Variants in SORCS1 observed in about 807,000 individuals in gnomAD.
The protein encoded by SORCS1 is sortilin related VPS10 domain containing receptor 1.
SORCS1 carries 60 observed loss-of-function variants against 146.1 expected under a neutral mutation model. The observed-to-expected ratio is 0.41, with a 90% confidence interval of 0.33 to 0.51. The LOEUF (loss-of-function observed/expected upper bound fraction) is 0.51. Ranked by LOEUF, SORCS1 falls within the 20% of genes least tolerant of loss-of-function variation. The pLI, the probability that SORCS1 is intolerant of heterozygous loss-of-function variation, is 0.21. For missense variants in SORCS1, 1,352 were observed against 1,487.6 expected (o/e 0.91, Z 1.50); for synonymous variants, 637 against 584.0 (o/e 1.09, Z -1.31).
intron 5 of SORCS1, among the ~76,000 whole-genome samples, chr10:106,736,440 A>T (rs1856948790): frequency 6.6e-6 from 1 of 152,136 alleles, no homozygotes; most frequent in Non-Finnish European, 1.5e-5. Context: ...GCCCCTCTTC[A>T]TAAACAAAGT....
Position 106,632,580 on chromosome 10 carries a change from T to C in SORCS1, c.2476-3192A>G, listed in dbSNP as rs377595548. Among the ~76,000 whole-genome samples the C allele has an allele frequency of 7.9e-5, 12 of 152,250 alleles. No individual in the cohort carries two copies. In the East Asian group the frequency reaches 2.3e-3, roughly 29 times the overall value. On this transcript the variant is annotated intron_variant, in intron 18 of 25. Transcript: ENST00000263054. ...GGTCATTCACTCATTCACCCAACAG[T>C]CAGATATTTATTGACTGTCTATCTC...
chr10:107,103,376 T>C (rs1299134274), intron 1 of SORCS1, among the ~76,000 whole-genome samples: 1 of 152,236 alleles, frequency 6.6e-6, no homozygotes, highest in Non-Finnish European at 1.5e-5. Flanking sequence ...TTTATTAATA[T>C]ATGCTCTCTA....
chr10:106,803,933 CA>C (rs1357258794), intron 3 of SORCS1, among the ~76,000 whole-genome samples: 1 of 152,090 alleles, frequency 6.6e-6, no homozygotes, highest in Non-Finnish European at 1.5e-5. Context: ...CTCATGTGAA[CA>C]AAAGTGACAC....
chr10:106,709,971 G>A (rs72821190), intron 6 of SORCS1, among the ~76,000 whole-genome samples: 2,036 of 152,034 alleles, frequency 0.013, 18 homozygotes, highest in Middle Eastern at 0.044. Context: ...TTCAAAAACT[G>A]GCAATAATAC....
chr10:106,758,748 G>GA (rs1360469112), intron 5 of SORCS1, among the ~76,000 whole-genome samples: 4 of 152,094 alleles, frequency 2.6e-5, no homozygotes, highest in Non-Finnish European at 4.4e-5. Context: ...AAGAGAGGGA[G>GA]AAAAAAACGC....
Position 106,688,189 on chromosome 10 carries a change from C to T in SORCS1, c.1560+3G>A. 1 of 1,611,814 alleles carries T rather than the reference C, an allele frequency of 6.2e-7. No individual in the cohort carries two copies. Among genetic ancestry groups the T allele is most frequent in the East Asian group, 2.2e-5 (1 of 44,842 alleles). On this transcript the variant is annotated splice_donor_region_variant and intron_variant, in intron 10 of 25. Coordinates refer to ENST00000263054, the MANE Select transcript of SORCS1 (RefSeq NM_052918.5). ...GGCATTCTGCTTCAATAGGAAGACT[C>T]ACCAGCAAGCAGTGCACGGGGTCCC...
chr10:106,987,078 C>T (rs550641914), intron 1 of SORCS1, among the ~76,000 whole-genome samples: 1 of 152,154 alleles, frequency 6.6e-6, no homozygotes, highest in Non-Finnish European at 1.5e-5. Context: ...TGGATCTTTT[C>T]TTCTTCTGAA....
At chr10:107,020,792 A>G (rs1248684215) in intron 1 of SORCS1, among the ~76,000 whole-genome samples, 2 of 152,196 alleles carry the variant, frequency 1.3e-5, no homozygotes. Context: ...ATTTTAAGGA[A>G]TTTTGGACAA....
chr10:106,655,963 G>A (rs922241769), intron 17 of SORCS1, among the ~76,000 whole-genome samples: 7 of 152,140 alleles, frequency 4.6e-5, no homozygotes, highest in East Asian at 3.8e-4. Flanking sequence ...TTGGACCTGC[G>A]CTCTGAATAT....
chr10:107,054,895 G>T (rs535177008), intron 1 of SORCS1, among the ~76,000 whole-genome samples: 1 of 152,318 alleles, frequency 6.6e-6, no homozygotes, highest in African/African-American at 2.4e-5. Context: ...TAAAGATAAA[G>T]TGGTATCACA....
At chr10:107,118,938 A>G (rs185823715) in intron 1 of SORCS1, among the ~76,000 whole-genome samples, 1 of 152,320 alleles carries the variant, frequency 6.6e-6, no homozygotes, top group Non-Finnish European at 1.5e-5. Flanking sequence ...CAGCAATGCC[A>G]CAGTTGGTGG....
chr10:106,795,243 G>C (rs1946499563), intron 3 of SORCS1, among the ~76,000 whole-genome samples: 1 of 152,184 alleles, frequency 6.6e-6, no homozygotes, highest in East Asian at 1.9e-4. Context: ...AAGAGTCGAA[G>C]ATAATTTGTC....
rs376338511 is a variant in SORCS1, at chr10:106,934,277, A to C, written c.626+22236T>G. Among the ~76,000 whole-genome samples the C allele has an allele frequency of 8.6e-5, 13 of 151,656 alleles. No homozygotes were observed. In the South Asian group the frequency reaches 2.5e-3, roughly 29 times the overall value. On this transcript the variant is annotated intron_variant, in intron 2 of 25. Coordinates refer to ENST00000263054, the MANE Select transcript of SORCS1 (RefSeq NM_052918.5). ...TTTATTTTATTTATTTCTTTTTTTT[A>C]GATGGAGTCGCGCACTGTCACCCAG...
At chr10:107,141,450 G>A (rs1412192956) in intron 1 of SORCS1, among the ~76,000 whole-genome samples, 5 of 151,834 alleles carry the variant, frequency 3.3e-5, no homozygotes, top group African/African-American at 1.2e-4. Flanking sequence ...AGCCCAGTGG[G>A]GATTATTGGA....
intron 2 of SORCS1, among the ~76,000 whole-genome samples, chr10:106,838,748 T>C (rs1948896274): frequency 6.6e-6 from 1 of 152,242 alleles, no homozygotes; most frequent in Non-Finnish European, 1.5e-5. Flanking sequence ...TTTTGTGGCA[T>C]CCTGCAGGGA....
chr10:106,856,024 CA>C (rs1221151923), intron 2 of SORCS1, among the ~76,000 whole-genome samples: 2 of 134,206 alleles, frequency 1.5e-5, no homozygotes, highest in Non-Finnish European at 3.2e-5. Flanking sequence ...GAGGGAGACA[CA>C]ACATTTTTTT....
intron 3 of SORCS1, among the ~76,000 whole-genome samples, chr10:106,792,002 A>G (rs374358791): frequency 1.3e-5 from 2 of 152,054 alleles, no homozygotes; most frequent in Non-Finnish European, 2.9e-5. Flanking sequence ...ATTTTTCTCC[A>G]TTTAAAATTC....
At chr10:106,584,495 C>T (rs979112990) in intron 24 of SORCS1, among the ~76,000 whole-genome samples, 1 of 152,186 alleles carries the variant, frequency 6.6e-6, no homozygotes, top group Non-Finnish European at 1.5e-5. Flanking sequence ...AAAACTTAAG[C>T]TTAATCAATT....
At chr10:106,630,175 C>T (rs762979030) in intron 18 of SORCS1, among the ~76,000 whole-genome samples, 43 of 152,162 alleles carry the variant, frequency 2.8e-4, no homozygotes, top group Non-Finnish European at 4.4e-4. Flanking sequence ...TTTCTTGTTC[C>T]CTAATTGTAT....
Sources: gnomAD v4.1 joint callset for allele counts (sites outside exome capture counted in the v4.1 genomes callset) on GRCh38, gnomAD v4.1.1 for gene constraint, MANE v1.5 for transcripts, NCBI Gene and HGNC (gene_info 2026-07-23, HGNC 2026-07-21) for gene names.